The following SGIP1 variants were observed in gnomAD, a reference collection of about 807,000 sequenced individuals.
The protein encoded by SGIP1 is SH3-containing GRB2-like protein 3-interacting protein 1.
In SGIP1, 38 loss-of-function variants were observed where a neutral mutation model predicts 107.5. That is an observed-to-expected ratio of 0.35 (90% CI 0.27 to 0.46). The LOEUF (loss-of-function observed/expected upper bound fraction) is 0.46. Ranked by LOEUF, SGIP1 falls within the 20% of genes least tolerant of loss-of-function variation. The probability of loss-of-function intolerance (pLI) is 1.00; values close to 1 mark genes in which losing one functional copy is unlikely to be tolerated. For synonymous variants in SGIP1, 365 were observed against 366.1 expected (o/e 1.00, Z 0.03); for missense variants, 929 against 1,019.5 (o/e 0.91, Z 1.21).
At chr1:66,559,816 G>A (rs544138258) in intron 1 of SGIP1, among the ~76,000 whole-genome samples, 1 of 152,032 alleles carries the variant, frequency 6.6e-6, no homozygotes, top group Non-Finnish European at 1.5e-5. Context: ...TAGCCGGGGG[G>A]GTGGATGACT....
intron 3 of SGIP1, 34 bp from the exon 4 acceptor site, chr1:66,635,910 C>G: frequency 6.2e-7 from 1 of 1,606,090 alleles, no homozygotes; most frequent in South Asian, 1.1e-5. Context: ...GATCTTTTAA[C>G]CACTTTTTTC....
Position 66,747,266 on chromosome 1 carries a change from A to G in SGIP1, c.*4171A>G, listed in dbSNP as rs968829513. 1 of 152,074 alleles carries G rather than the reference A, an allele frequency of 6.6e-6. No individual in the cohort carries two copies. The highest frequency in any genetic ancestry group is 2.4e-5 in the African/African-American group (1 of 41,440). 9.4% of individuals were successfully genotyped at this position (152,074 alleles called of 1,614,324 possible). A position where few individuals can be genotyped will look rare whatever the true frequency, so the allele number is the denominator to read the frequency against. On this transcript the variant is annotated 3_prime_UTR_variant, in exon 25 of 25. Coordinates refer to ENST00000371037, the MANE Select transcript of SGIP1 (RefSeq NM_032291.4). ...AGAATCATTGCTCTAGTAGATCTCTAAGGTCCTTCTTAGTTCTGACATTAT... is the reference window on the plus strand; with the variant it reads ...AGAATCATTGCTCTAGTAGATCTCTGAGGTCCTTCTTAGTTCTGACATTAT...
intron 18 of SGIP1, among the ~76,000 whole-genome samples, chr1:66,714,787 C>CTCTG (rs2093134176): frequency 6.6e-6 from 1 of 152,086 alleles, no homozygotes; most frequent in African/African-American, 2.4e-5. Flanking sequence ...TAGCCTTGAA[C>CTCTG]TCTGGTCTCC....
At chr1:66,712,388 G>T (rs2092974883) in intron 18 of SGIP1, among the ~76,000 whole-genome samples, 1 of 152,146 alleles carries the variant, frequency 6.6e-6, no homozygotes, top group African/African-American at 2.4e-5. Flanking sequence ...GGAAAATGGA[G>T]AAAGTGCACA....
At chr1:66,569,830 A>G (rs1457725555) in intron 1 of SGIP1, among the ~76,000 whole-genome samples, 4 of 151,890 alleles carry the variant, frequency 2.6e-5, no homozygotes, top group African/African-American at 9.7e-5. Flanking sequence ...TGGTAAGACT[A>G]ATCAATGAAT....
At position 66,743,284 on chromosome 1, in the gene SGIP1, T is replaced by C; in HGVS notation, c.*189T>C. On this transcript the variant is annotated 3_prime_UTR_variant, in exon 25 of 25. Coordinates refer to ENST00000371037, the MANE Select transcript of SGIP1 (RefSeq NM_032291.4). ...TGATGACCAGTCCTACAGTATTTAC[T>C]TCTAGGTGTAATATTGTTAATGGTT... is the stretch of plus-strand genomic sequence containing the variant. 1.9e-6 allele frequency: 1 copy of C among 519,694 alleles called. No individual in the cohort carries two copies. The highest frequency in any genetic ancestry group is 3.4e-6 in the Non-Finnish European group (1 of 292,438). 32.2% of individuals were successfully genotyped at this position (519,694 alleles called of 1,614,324 possible).
intron 19 of SGIP1, among the ~76,000 whole-genome samples, chr1:66,728,047 TA>T (rs940146915): frequency 9.9e-5 from 15 of 151,628 alleles, no homozygotes; most frequent in East Asian, 7.7e-4. Context: ...AAGCCTTTTT[TA>T]AAAAAAAAGA....
intron 7 of SGIP1, among the ~76,000 whole-genome samples, chr1:66,655,694 T>C (rs2079619024): frequency 6.6e-6 from 1 of 152,098 alleles, no homozygotes; most frequent in Non-Finnish European, 1.5e-5. Context: ...TATCTGTGTA[T>C]CCAAACATAG....
chr1:66,574,220 T>C (rs2060754627), intron 1 of SGIP1, among the ~76,000 whole-genome samples: 1 of 152,030 alleles, frequency 6.6e-6, no homozygotes, highest in Non-Finnish European at 1.5e-5. Context: ...GGCATATCTA[T>C]TTCTCTACCC....
chr1:66,553,370 A>C (rs916951493), intron 1 of SGIP1, among the ~76,000 whole-genome samples: 2 of 152,020 alleles, frequency 1.3e-5, no homozygotes, highest in African/African-American at 4.8e-5. Flanking sequence ...TTTTAAAAAT[A>C]AAGTCATCAA....
At chr1:66,674,126 C>A (rs113743894) in intron 12 of SGIP1, among the ~76,000 whole-genome samples, 5,004 of 152,080 alleles carry the variant, frequency 0.033, 271 homozygotes, top group African/African-American at 0.11. Context: ...TGTGATCACA[C>A]CATTGCACTC....
At chr1:66,569,907 T>G (rs2060149860) in intron 1 of SGIP1, among the ~76,000 whole-genome samples, 1 of 151,876 alleles carries the variant, frequency 6.6e-6, no homozygotes. Flanking sequence ...ATAATAGATA[T>G]AGACTTATTC....
intron 18 of SGIP1, among the ~76,000 whole-genome samples, chr1:66,710,922 C>T (rs1374735227): frequency 6.6e-6 from 1 of 152,102 alleles, no homozygotes; most frequent in African/African-American, 2.4e-5. Flanking sequence ...GTATAAAACT[C>T]TCAATTAATT....
intron 1 of SGIP1, among the ~76,000 whole-genome samples, chr1:66,536,922 C>T (rs1214964663): frequency 6.6e-6 from 1 of 152,200 alleles, no homozygotes; most frequent in Non-Finnish European, 1.5e-5. Flanking sequence ...AAAGGCACTT[C>T]TCTACTTTGT....
intron 18 of SGIP1, among the ~76,000 whole-genome samples, chr1:66,710,109 C>T (rs1197355482): frequency 2.0e-5 from 3 of 151,724 alleles, no homozygotes; most frequent in African/African-American, 7.3e-5. Flanking sequence ...TTCTTTTCTC[C>T]CAAACCTATT....
intron 8 of SGIP1, among the ~76,000 whole-genome samples, chr1:66,661,598 G>A (rs1465494529): frequency 6.6e-6 from 1 of 152,190 alleles, no homozygotes; most frequent in South Asian, 2.1e-4. Flanking sequence ...TAAATGGCCC[G>A]CTTCTGAGTA....
intron 17 of SGIP1, chr1:66,694,309 T>G: frequency 1.4e-6 from 1 of 695,622 alleles, no homozygotes; most frequent in Non-Finnish European, 2.4e-6. Context: ...TTCCAGTGTT[T>G]TCAGTTTTGT....
At chr1:66,546,195 G>A (rs1056048432) in intron 1 of SGIP1, among the ~76,000 whole-genome samples, 3 of 152,178 alleles carry the variant, frequency 2.0e-5, no homozygotes, top group Non-Finnish European at 4.4e-5. Context: ...CAATACCCTG[G>A]ATCATGCTTC....
chr1:66,623,596 C>G (rs1276111238), intron 1 of SGIP1, among the ~76,000 whole-genome samples: 5 of 152,002 alleles, frequency 3.3e-5, no homozygotes, highest in Admixed American at 6.6e-5. Flanking sequence ...CATTTTTTTT[C>G]TAGAATTTCA....
Sources: allele counts gnomAD v4.1 joint callset (sites outside exome capture counted in the v4.1 genomes callset), GRCh38; gene constraint gnomAD v4.1.1; transcripts MANE v1.5; gene names NCBI Gene and HGNC (gene_info 2026-07-23, HGNC 2026-07-21).